XIAP: variants seen among roughly 807,000 people sequenced by gnomAD.
The protein encoded by XIAP is X-linked inhibitor of apoptosis.
A neutral mutation model predicts 33.1 loss-of-function variants in XIAP; 3 were observed. That is an observed-to-expected ratio of 0.09 (90% CI 0.04 to 0.23). XIAP has a LOEUF of 0.23. XIAP is among the 10% of genes least tolerant of loss of function. The pLI is 1.00. For missense variants in XIAP, 264 were observed against 363.0 expected (o/e 0.73, Z 2.22); for synonymous variants, 98 against 121.3 (o/e 0.81, Z 1.26).
chrX:123,860,470 C>T (rs1050352735), intron 1 of XIAP, 177 bp downstream of exon 1: 17 of 260,694 alleles, frequency 6.5e-5, no homozygotes, highest in South Asian at 5.5e-4. Flanking sequence ...GTTCCTCGGA[C>T]TGCCGACGGC....
At position 123,911,953 on chromosome X, in the gene XIAP, G is replaced by A. The variant is rs1344708532; in HGVS notation, c.*4772G>A. On this transcript the variant is annotated 3_prime_UTR_variant, in exon 7 of 7. Coordinates refer to ENST00000371199, the MANE Select transcript of XIAP (RefSeq NM_001167.4). ...GAGACTCAAAGGTGATGTAATTTGT[G>A]CAAAGATTATAGCTAATTAGTAGCA... The A allele has an allele frequency of 6.1e-6, 2 of 328,844 alleles. No homozygotes were observed. Among genetic ancestry groups the A allele is most frequent in the East Asian group, 9.7e-5 (1 of 10,323 alleles). 27.1% of individuals were successfully genotyped at this position (328,844 alleles called of 1,213,427 possible).
intron 6 of XIAP, among the ~76,000 whole-genome samples, chrX:123,905,485 G>A (rs1177624749): frequency 9.0e-6 from 1 of 111,364 alleles, no homozygotes; most frequent in Non-Finnish European, 1.9e-5. Flanking sequence ...GGAGGCCTTC[G>A]TTTATGCATG....
chrX:123,882,804 A>G (rs1371117142), intron 1 of XIAP, among the ~76,000 whole-genome samples: 1 of 111,984 alleles, frequency 8.9e-6, no homozygotes, highest in Admixed American at 9.5e-5. Flanking sequence ...GTTTTTTGAG[A>G]CGCTCGCTCT....
At chrX:123,868,710 G>A (rs2053166279) in intron 1 of XIAP, among the ~76,000 whole-genome samples, 1 of 111,401 alleles carries the variant, frequency 9.0e-6, no homozygotes, top group South Asian at 3.7e-4. Flanking sequence ...CCAGCTTGGG[G>A]GACAGAGCAA....
chrX:123,903,107 AAT>A (rs1190967567), intron 6 of XIAP, among the ~76,000 whole-genome samples: 4 of 110,990 alleles, frequency 3.6e-5, no homozygotes, highest in Admixed American at 9.7e-5. Context: ...AGGATGAAAT[AAT>A]ATAGAAAAAA....
At chrX:123,895,456 G>A (rs980691721) in intron 5 of XIAP, among the ~76,000 whole-genome samples, 1 of 110,173 alleles carries the variant, frequency 9.1e-6, no homozygotes, top group Admixed American at 9.9e-5. Context: ...AGTTCTCTTG[G>A]GCATATATCC....
At chrX:123,870,963 G>A (rs1022841218) in intron 1 of XIAP, among the ~76,000 whole-genome samples, 3 of 110,287 alleles carry the variant, frequency 2.7e-5, no homozygotes, top group African/African-American at 6.6e-5. Context: ...TGAGGGAGTC[G>A]GAGTTTCACT....
In XIAP at chrX:123,886,417, A is replaced by G; in HGVS notation, c.755A>G (p.Asn252Ser). ...GTGAGTTCTGATAGGAATTTCCCAAATTCAACAAATCTTCCAAGAAATCCA... is the reference window on the plus strand; with the variant it reads ...GTGAGTTCTGATAGGAATTTCCCAAGTTCAACAAATCTTCCAAGAAATCCA... ...DAVSSDRNFP[N>S]STNLPRNPSM... The change falls in exon 2 of 7, where the codon AAT becomes AGT. Residue 252 changes from asparagine (N) to serine (S), a missense_variant. By Grantham distance (46) the Asn-to-Ser change is conservative. Coordinates refer to ENST00000371199, the MANE Select transcript of XIAP (RefSeq NM_001167.4). 8.3e-7 allele frequency: 1 copy of G among 1,211,720 alleles called. No individual in the cohort carries two copies. Among genetic ancestry groups the G allele is most frequent in the Non-Finnish European group, 1.1e-6 (1 of 895,636 alleles).
rs1318934553 is a variant in XIAP, at chrX:123,909,960, T to C, written c.*2779T>C. On this transcript the variant is annotated 3_prime_UTR_variant, in exon 7 of 7. Coordinates refer to ENST00000371199, the MANE Select transcript of XIAP (RefSeq NM_001167.4). ...TCAAAACTATAGCCATATCCAAATCTTTTCCCCCTCCCAAGAGTTCTCAGT... is the reference window on the plus strand; with the variant it reads ...TCAAAACTATAGCCATATCCAAATCCTTTCCCCCTCCCAAGAGTTCTCAGT... 2 of 329,694 alleles carry C rather than the reference T, an allele frequency of 6.1e-6. No individual in the cohort carries two copies. Among genetic ancestry groups the C allele is most frequent in the Admixed American group, 6.2e-5 (2 of 32,239 alleles). The allele number at this position is 329,694 out of a possible 1,213,427, so 27.2% of individuals were successfully genotyped here.
At chrX:123,864,455 GTTTTTTTTTTTTTT>G (rs1162636021) in intron 1 of XIAP, among the ~76,000 whole-genome samples, 5 of 49,589 alleles carry the variant, frequency 1.0e-4, no homozygotes, top group Non-Finnish European at 1.0e-4. Context: ...CCTTTCTTCT[GTTTTTTTTTTTTTT>G]TTTTTTTTTT....
chrX:123,860,489 G>A (rs1297293255), intron 1 of XIAP, 196 bp downstream of exon 1: 1 of 258,027 alleles, frequency 3.9e-6, no homozygotes, highest in Non-Finnish European at 7.4e-6. Context: ...GCAGGCGTGG[G>A]TGGGTGGGTG....
At position 123,898,977 on chromosome X, in the gene XIAP, C is replaced by T. The variant is rs1358012434; in HGVS notation, c.1100-1516C>T. Reference sequence around the variant, plus strand: ...CTACTAAATATACAAAAAAATTAGCCAGGCGTGGTGGTGCATGCCTGTAAT... The same window carrying T: ...CTACTAAATATACAAAAAAATTAGCTAGGCGTGGTGGTGCATGCCTGTAAT... On this transcript the variant is annotated intron_variant, in intron 5 of 6. Transcript: ENST00000371199. Among the ~76,000 whole-genome samples the T allele has an allele frequency of 1.8e-4, 18 of 102,038 alleles. No homozygotes were observed. In the East Asian group the frequency reaches 5.0e-3, roughly 28 times the overall value. The allele number at this position is 102,038 out of a possible 115,157, so 88.6% of individuals were successfully genotyped here.
chrX:123,884,352 C>T (rs940283080), intron 1 of XIAP, among the ~76,000 whole-genome samples: 1 of 110,483 alleles, frequency 9.1e-6, no homozygotes, highest in Admixed American at 9.8e-5. Context: ...GGCATGGTGG[C>T]GCATGCCTGT....
chrX:123,867,049 CT>C lies in XIAP; in HGVS notation c.-33+6758del, dbSNP rs1339039161. On this transcript the variant is annotated intron_variant, in intron 1 of 6. Transcript: ENST00000371199. The stretch of plus-strand genomic sequence containing the variant: ...CAGGTTGTTTTAATCCCCCCCCCCC[CT>C]TCAACATTCTATAGTTAACATTTCT... 3.6e-3 allele frequency among the ~76,000 whole-genome samples: 197 copies of C among 55,100 alleles called. 4 individuals are homozygous for C. Among genetic ancestry groups the C allele is most frequent in the African/African-American group, 0.014 (190 of 13,736 alleles). 47.8% of individuals were successfully genotyped at this position (55,100 alleles called of 115,157 possible).
At chrX:123,868,338 G>A (rs1037535328) in intron 1 of XIAP, among the ~76,000 whole-genome samples, 1 of 111,318 alleles carries the variant, frequency 9.0e-6, no homozygotes, top group Non-Finnish European at 1.9e-5. Context: ...ACCCAGGGTG[G>A]CTGGGCTTAA....
At chrX:123,892,982 G>T (rs878982759) in intron 5 of XIAP, among the ~76,000 whole-genome samples, 1 of 109,355 alleles carries the variant, frequency 9.1e-6, no homozygotes, top group African/African-American at 3.3e-5. Context: ...CACCATGCCC[G>T]GCTAACTTTT....
intron 1 of XIAP, among the ~76,000 whole-genome samples, chrX:123,861,478 C>T (rs1360891348): frequency 9.0e-6 from 1 of 110,772 alleles, no homozygotes; most frequent in African/African-American, 3.3e-5. Context: ...TTTATACACA[C>T]ACCTTCACAT....
At chrX:123,866,790 TG>T (rs1320904867) in intron 1 of XIAP, among the ~76,000 whole-genome samples, 2 of 105,761 alleles carry the variant, frequency 1.9e-5, no homozygotes, top group Non-Finnish European at 3.9e-5. Flanking sequence ...GCGATTCTTC[TG>T]CCTCAGCCTC....
At chrX:123,894,738 AC>A (rs1431710062) in intron 5 of XIAP, among the ~76,000 whole-genome samples, 2 of 108,913 alleles carry the variant, frequency 1.8e-5, no homozygotes, top group Admixed American at 1.0e-4. Flanking sequence ...ATTGCACTAC[AC>A]CCTGGGCAAA....
Sources: allele counts gnomAD v4.1 joint callset (sites outside exome capture counted in the v4.1 genomes callset), GRCh38; gene constraint gnomAD v4.1.1; transcripts MANE v1.5; gene names NCBI Gene and HGNC (gene_info 2026-07-23, HGNC 2026-07-21).